DNHD1: variants seen among roughly 807,000 people sequenced by gnomAD.
DNHD1 encodes the protein dynein heavy chain domain 1, also known as dynein heavy chain domain-containing protein 1.
A neutral mutation model predicts 458.1 loss-of-function variants in DNHD1; 383 were observed. The observed-to-expected ratio is 0.84, with a 90% CI of 0.77 to 0.91. The LOEUF (loss-of-function observed/expected upper bound fraction) is 0.91, where lower values mean the gene tolerates loss of function less well. Among genes scored for constraint, DNHD1 ranks in the 40% least tolerant of loss-of-function variants. DNHD1 has a pLI of 0.00. For synonymous variants in DNHD1, 2,203 were observed against 2,376.9 expected (o/e 0.93, Z 2.13); for missense variants, 5,336 against 5,866.1 (o/e 0.91, Z 2.95).
intron 10 of DNHD1, among the ~76,000 whole-genome samples, chr11:6,526,261 T>C (rs1320713823): frequency 6.6e-6 from 1 of 152,182 alleles, no homozygotes; most frequent in African/African-American, 2.4e-5. Flanking sequence ...TGTTTTTTCT[T>C]TCATTTATAA....
intron 7 of DNHD1, among the ~76,000 whole-genome samples, chr11:6,516,455 G>A (rs569810651): frequency 3.3e-5 from 5 of 151,598 alleles, no homozygotes; most frequent in South Asian, 2.1e-4. Context: ...CCACCACCAC[G>A]CCTGGCTAAT....
rs766513879 is a variant in DNHD1, at chr11:6,556,855, A to C, written c.7560A>C (p.Arg2520=). 5 of 1,550,656 alleles carry C rather than the reference A, an allele frequency of 3.2e-6. No homozygotes were observed. Among genetic ancestry groups the C allele is most frequent in the Non-Finnish European group, 4.4e-6 (5 of 1,146,780 alleles). ...CERPLCPRLF[R]LFTVLALESM... ...GCCCACTGTGTCCACGCCTCTTTCG[A>C]CTCTTCACAGTCCTGGCCCTGGAAA... The change falls in exon 25 of 43, where the codon CGA becomes CGC. Residue 2520 remains arginine (R), a synonymous_variant. Transcript: ENST00000254579.
chr11:6,546,912 G>A lies in DNHD1; in HGVS notation c.5973G>A (p.Leu1991=). 2 of 1,551,574 alleles carry A rather than the reference G, an allele frequency of 1.3e-6. No homozygotes were observed. The highest frequency in any genetic ancestry group is 8.7e-7 in the Non-Finnish European group (1 of 1,146,908). ...GCCGGGCCTCAGGCATTCTGCTCCTGGGCCCTGCGGGCAGCGGCAAGACCA... is the reference window on the plus strand; with the variant it reads ...GCCGGGCCTCAGGCATTCTGCTCCTAGGCCCTGCGGGCAGCGGCAAGACCA... The part of the protein sequence containing the change: ...ALSRASGILL[L]GPAGSGKTTC... Residue 1991 remains leucine (L), a synonymous_variant, in exon 21 of 43, where the codon CTG becomes CTA. Coordinates refer to ENST00000254579, the MANE Select transcript of DNHD1 (RefSeq NM_144666.3).
intron 7 of DNHD1, among the ~76,000 whole-genome samples, chr11:6,511,815 G>T (rs111670981): frequency 2.6e-5 from 4 of 152,344 alleles, no homozygotes; most frequent in African/African-American, 9.6e-5. Context: ...GGCCACTGTA[G>T]TTAGTGGAAG....
intron 3 of DNHD1, among the ~76,000 whole-genome samples, chr11:6,500,955 GGA>G (rs147459515): frequency 6.6e-6 from 1 of 151,130 alleles, no homozygotes; most frequent in Non-Finnish European, 1.5e-5. Flanking sequence ...TCTGCAGGTG[GGA>G]GAGAGAGAGA....
intron 24 of DNHD1, among the ~76,000 whole-genome samples, chr11:6,551,817 T>C (rs1426501217): frequency 1.3e-5 from 2 of 152,104 alleles, no homozygotes; most frequent in African/African-American, 2.4e-5. Context: ...GGCATGTACC[T>C]GTAATCACAG....
Position 6,538,381 on chromosome 11 carries a change from A to G in DNHD1, c.2999-2A>G, listed in dbSNP as rs1853011863. ...AGGTCTCAAGTCAGCCCTCCCCCAC[A>G]GAGGATGAGACTCCTGTGCCCTTGC... is the stretch of plus-strand genomic sequence containing the variant. On this transcript the variant is annotated splice_acceptor_variant, in intron 14 of 42. Transcript: ENST00000254579. LOFTEE classifies it high-confidence loss of function. The G allele has an allele frequency of 1.3e-6, 2 of 1,551,556 alleles. No individual in the cohort carries two copies. Among genetic ancestry groups the G allele is most frequent in the African/African-American group, 1.4e-5 (1 of 73,088 alleles).
At chr11:6,522,662 A>G (rs1852627778) in intron 10 of DNHD1, among the ~76,000 whole-genome samples, 1 of 152,226 alleles carries the variant, frequency 6.6e-6, no homozygotes. Flanking sequence ...GTAAATAAGT[A>G]GCAGTTAAAA....
rs1047321303 is a variant in DNHD1 at position 6,558,481 on chromosome 11, A to T, written c.9003-4A>T. On this transcript the variant is annotated splice_polypyrimidine_tract_variant and splice_region_variant and intron_variant, in intron 25 of 42. Coordinates refer to ENST00000254579, the MANE Select transcript of DNHD1 (RefSeq NM_144666.3). The stretch of plus-strand genomic sequence containing the variant: ...GAGGACATTAGCTGAGCCCTGGCCC[A>T]CAGGTTCCACCAGCAAGTGTGCAGC... 6.4e-7 allele frequency: 1 copy of T among 1,551,598 alleles called. No homozygotes were observed. The highest frequency in any genetic ancestry group is 8.7e-7 in the Non-Finnish European group (1 of 1,147,002).
intron 24 of DNHD1, among the ~76,000 whole-genome samples, chr11:6,552,439 GC>G (rs1853375706): frequency 6.6e-6 from 1 of 152,004 alleles, no homozygotes; most frequent in Non-Finnish European, 1.5e-5. Flanking sequence ...CAGGAGAATC[GC>G]TTGAACCTGG....
At position 6,545,347 on chromosome 11, in the gene DNHD1, C is replaced by T. The variant is rs933698136; in HGVS notation, c.4408C>T (p.Arg1470Cys). The T allele has an allele frequency of 6.4e-6, 10 of 1,551,644 alleles. No individual in the cohort carries two copies. In the East Asian group the frequency reaches 1.5e-4, roughly 23 times the overall value. ...VHMLQGCVAA[R>C]LARGPSLGEA... ...CATGCTGCAGGGCTGTGTGGCTGCT[C>T]GCCTTGCTCGAGGCCCATCTCTAGG... Residue 1470 changes from arginine (R) to cysteine (C), a missense_variant, in exon 21 of 43, where the codon CGC becomes TGC. This residue lies in a region of DNHD1 where 3,932 missense variants were observed against 4,365.6 expected (regional missense o/e 0.90). Coordinates refer to ENST00000254579, the MANE Select transcript of DNHD1 (RefSeq NM_144666.3). This position sits in a 1 kb window ranked among gnomAD's most constrained non-coding sequence, Gnocchi z 4.9.
Position 6,567,266 on chromosome 11 carries a change from G to A in DNHD1, c.11757G>A (p.Leu3919=), listed in dbSNP as rs753581006. ...QLRAHLTRQL[L]GSTVTALGLT... is the part of the protein sequence containing the mutation. ...GAGCACACCTGACCCGCCAGCTGCT[G>A]GGCAGCACCGTGACTGCACTGGGCC... The change falls in exon 36 of 43, where the codon CTG becomes CTA. Residue 3919 remains leucine (L), a synonymous_variant. Coordinates refer to ENST00000254579, the MANE Select transcript of DNHD1 (RefSeq NM_144666.3). 6 of 1,614,012 alleles carry A rather than the reference G, an allele frequency of 3.7e-6. No individual in the cohort carries two copies. In the Admixed American group the frequency reaches 1.0e-4, roughly 27 times the overall value.
chr11:6,561,183 C>T (rs1853580047), intron 28 of DNHD1, among the ~76,000 whole-genome samples: 1 of 152,198 alleles, frequency 6.6e-6, no homozygotes, highest in Admixed American at 6.5e-5. Flanking sequence ...TGCCTGTAAT[C>T]CCAGCACTTT....
At chr11:6,525,595 A>G (rs530772764) in intron 10 of DNHD1, among the ~76,000 whole-genome samples, 3 of 152,296 alleles carry the variant, frequency 2.0e-5, no homozygotes, top group African/African-American at 7.2e-5. Context: ...CTTTCTAGTA[A>G]TTTTGTTTGT....
At chr11:6,511,459 C>A (rs1428354744) in intron 7 of DNHD1, 30 bp downstream of exon 7, 2 of 1,606,962 alleles carry the variant, frequency 1.2e-6, no homozygotes, top group Non-Finnish European at 8.5e-7. Context: ...TTGTGGACCT[C>A]TTCCCCAAGT....
At chr11:6,563,238 T>C (rs1397882514) in intron 29 of DNHD1, 107 bp downstream of exon 29, 3 of 1,528,516 alleles carry the variant, frequency 2.0e-6, no homozygotes, top group South Asian at 1.2e-5. Context: ...TGGAATCTCC[T>C]GGGGGGAGGG....
chr11:6,533,773 C>T lies in DNHD1; in HGVS notation c.2598C>T (p.Leu866=). The stretch of plus-strand genomic sequence containing the variant: ...AACTCATCCGCAACCACTTTAGCCT[C>T]TTTAGTGCTGAGAATGAAGCACTGG... The part of the protein sequence containing the change: ...LHELIRNHFS[L]FSAENEALDI... Residue 866 remains leucine, a synonymous_variant, in exon 14 of 43, where the codon CTC becomes CTT. Coordinates refer to ENST00000254579, the MANE Select transcript of DNHD1 (RefSeq NM_144666.3). The T allele has an allele frequency of 6.4e-7, 1 of 1,551,480 alleles. No homozygotes were observed. Among genetic ancestry groups the T allele is most frequent in the Admixed American group, 2.0e-5 (1 of 50,978 alleles).
rs1424247296 is a variant in DNHD1, at chr11:6,571,495, C to T, written c.13911+72C>T. Reference sequence around the variant, plus strand: ...CTCTAATTACACCTCGCAGTTACCCCTTCTTGGTGATCTTGCCCCCGGTAA... The same window carrying T: ...CTCTAATTACACCTCGCAGTTACCCTTTCTTGGTGATCTTGCCCCCGGTAA... On this transcript the variant is annotated intron_variant, in intron 42 of 42. Coordinates refer to ENST00000254579, the MANE Select transcript of DNHD1 (RefSeq NM_144666.3). This position sits in a 1 kb window ranked among gnomAD's most constrained non-coding sequence, Gnocchi z 5.0. 5.4e-6 allele frequency: 8 copies of T among 1,474,842 alleles called. No homozygotes were observed. The highest frequency in any genetic ancestry group is 7.2e-6 in the Non-Finnish European group (8 of 1,106,220). The allele number at this position is 1,474,842 out of a possible 1,614,324, so 91.4% of individuals were successfully genotyped here.
chr11:6,569,459 G>T (rs1853789985), intron 39 of DNHD1, among the ~76,000 whole-genome samples: 1 of 152,072 alleles, frequency 6.6e-6, no homozygotes, highest in Non-Finnish European at 1.5e-5. Context: ...CTCCAGCCTG[G>T]GTGACAGTGC....
Sources: allele counts gnomAD v4.1 joint callset (sites outside exome capture counted in the v4.1 genomes callset), GRCh38; gene constraint gnomAD v4.1.1; regional missense constraint gnomAD v4.1.1; non-coding constraint Gnocchi (gnomAD v3.1); transcripts MANE v1.5; gene names NCBI Gene and HGNC (gene_info 2026-07-23, HGNC 2026-07-21).